Variants in CDH2 observed in about 807,000 individuals in gnomAD.
CDH2 encodes the protein cadherin-2.
A neutral mutation model predicts 92.0 loss-of-function variants in CDH2; 17 were observed. The observed-to-expected ratio is 0.18, with a 90% confidence interval of 0.13 to 0.28. The LOEUF (loss-of-function observed/expected upper bound fraction) is 0.28, where lower values mean the gene tolerates loss of function less well. Ranked by LOEUF, CDH2 falls within the 10% of genes least tolerant of loss-of-function variation. The probability of loss-of-function intolerance (pLI) is 1.00; values close to 1 mark genes in which losing one functional copy is unlikely to be tolerated. For missense variants in CDH2, 862 were observed against 1,133.1 expected (o/e 0.76, Z 3.44); for synonymous variants, 419 against 415.9 (o/e 1.01, Z -0.09).
At chr18:27,954,714 C>A (rs73397927) in intron 15 of CDH2, 2 of 152,168 alleles carry the variant, frequency 1.3e-5, no homozygotes, top group Non-Finnish European at 2.9e-5. Context: ...CCGAAGAATG[C>A]ACCTTCATTC....
At chr18:28,079,457 G>A (rs913744986) in intron 2 of CDH2, among the ~76,000 whole-genome samples, 14 of 152,104 alleles carry the variant, frequency 9.2e-5, no homozygotes, top group Non-Finnish European at 1.6e-4. Flanking sequence ...CCAATTATTT[G>A]TTATTCTATA....
intron 2 of CDH2, among the ~76,000 whole-genome samples, chr18:28,066,496 CT>C (rs1409137657): frequency 6.6e-6 from 1 of 152,078 alleles, no homozygotes; most frequent in Non-Finnish European, 1.5e-5. Context: ...TGACAACCCC[CT>C]TCTCCAAATA....
chr18:28,025,790 T>A (rs1269083653), intron 2 of CDH2, among the ~76,000 whole-genome samples: 1 of 151,902 alleles, frequency 6.6e-6, no homozygotes, highest in Non-Finnish European at 1.5e-5. Context: ...CTATGGCAAA[T>A]AACAATGTAG....
At chr18:28,111,749 T>C (rs1180712618) in intron 2 of CDH2, among the ~76,000 whole-genome samples, 2 of 152,196 alleles carry the variant, frequency 1.3e-5, no homozygotes, top group Non-Finnish European at 2.9e-5. Context: ...TTAAACCCAG[T>C]ATACTAATAT....
chr18:28,142,761 C>A (rs912019349), intron 2 of CDH2, among the ~76,000 whole-genome samples: 12 of 151,848 alleles, frequency 7.9e-5, no homozygotes, highest in South Asian at 4.1e-4. Context: ...TGTTTATAAA[C>A]CTGCCTTACA....
intron 2 of CDH2, among the ~76,000 whole-genome samples, chr18:28,083,274 A>G (rs759350631): frequency 6.6e-6 from 1 of 152,198 alleles, no homozygotes; most frequent in Non-Finnish European, 1.5e-5. Flanking sequence ...TGCTGAAGAT[A>G]CTAATAGACA....
rs1333650300 is a variant in CDH2 at position 27,996,944 on chromosome 18, A to C, written c.1021-3307T>G. ...CCCAAAACCACAGTGATTCATGCAC[A>C]GTAGTCCCAATTCTAACATTTCCTC... On this transcript the variant is annotated intron_variant, in intron 7 of 15. Transcript: ENST00000269141. 2.0e-5 allele frequency among the ~76,000 whole-genome samples: 3 copies of C among 152,256 alleles called. No individual in the cohort carries two copies. In the East Asian group the frequency reaches 5.8e-4, roughly 29 times the overall value.
At chr18:28,042,533 A>T (rs2013967796) in intron 2 of CDH2, among the ~76,000 whole-genome samples, 1 of 152,176 alleles carries the variant, frequency 6.6e-6, no homozygotes, top group Non-Finnish European at 1.5e-5. Context: ...TCACTTTAAC[A>T]TACCTTATAA....
chr18:28,157,235 G>A (rs977347568), intron 1 of CDH2, among the ~76,000 whole-genome samples: 2 of 152,160 alleles, frequency 1.3e-5, no homozygotes, highest in African/African-American at 4.8e-5. Flanking sequence ...AGCAGAGACT[G>A]CAACACGCTT....
At chr18:28,155,373 G>A (rs2016191926) in intron 1 of CDH2, among the ~76,000 whole-genome samples, 2 of 152,188 alleles carry the variant, frequency 1.3e-5, no homozygotes, top group African/African-American at 4.8e-5. Flanking sequence ...ACAAGGGTTA[G>A]CTATTATGAT....
At chr18:28,093,881 A>C (rs1015075943) in intron 2 of CDH2, among the ~76,000 whole-genome samples, 2 of 152,148 alleles carry the variant, frequency 1.3e-5, no homozygotes, top group African/African-American at 2.4e-5. Flanking sequence ...CACAGTTCTC[A>C]GCTCCCTGAG....
chr18:28,007,165 A>AAAAAAAAATAT (rs1172779200), intron 5 of CDH2, among the ~76,000 whole-genome samples: 1 of 110,456 alleles, frequency 9.1e-6, no homozygotes, highest in Non-Finnish European at 1.7e-5. Context: ...ATAAAAAAAA[A>AAAAAAAAATAT]ATATATATAT....
At chr18:27,953,663 A>T (rs1171951697) in intron 15 of CDH2, among the ~76,000 whole-genome samples, 1 of 151,920 alleles carries the variant, frequency 6.6e-6, no homozygotes, top group African/African-American at 2.4e-5. Context: ...TAAGGTCAGA[A>T]TCAGTATGGT....
intron 1 of CDH2, among the ~76,000 whole-genome samples, chr18:28,154,664 G>A (rs1468811261): frequency 1.3e-5 from 2 of 152,050 alleles, no homozygotes; most frequent in East Asian, 1.9e-4. Flanking sequence ...TTCGGTTCCC[G>A]TTCTCATTAT....
intron 2 of CDH2, among the ~76,000 whole-genome samples, chr18:28,034,491 C>T (rs545415908): frequency 1.3e-5 from 2 of 152,118 alleles, no homozygotes; most frequent in South Asian, 4.1e-4. Context: ...ATCCAAATAT[C>T]ACATTCCAGG....
intron 2 of CDH2, among the ~76,000 whole-genome samples, chr18:28,069,734 T>C (rs963196212): frequency 1.3e-5 from 2 of 152,146 alleles, no homozygotes; most frequent in African/African-American, 4.8e-5. Context: ...CATTAAGGCA[T>C]CTACCATATT....
At chr18:28,119,560 G>A (rs2015552518) in intron 2 of CDH2, among the ~76,000 whole-genome samples, 1 of 152,058 alleles carries the variant, frequency 6.6e-6, no homozygotes, top group African/African-American at 2.4e-5. Context: ...TTAATATTGA[G>A]CAATATTGAG....
At chr18:27,945,407 T>A in intron 6 of CDH2, among the ~76,000 whole-genome samples, 1 of 150,490 alleles carries the variant, frequency 6.6e-6, no homozygotes, top group African/African-American at 2.4e-5. Flanking sequence ...GTAGTTTATA[T>A]TTGTATGATC....
At chr18:27,946,312 T>C (rs1909267292), downstream of CDH2, among the ~76,000 whole-genome samples, 1 of 152,030 alleles carries the variant, frequency 6.6e-6, no homozygotes, top group Non-Finnish European at 1.5e-5. Context: ...ATAATAATAT[T>C]TGACTACCCT....
Sources: allele counts gnomAD v4.1 joint callset (sites outside exome capture counted in the v4.1 genomes callset), GRCh38; gene constraint gnomAD v4.1.1; transcripts MANE v1.5; gene names NCBI Gene and HGNC (gene_info 2026-07-23, HGNC 2026-07-21).